Variants in KIAA0930 observed in about 807,000 individuals in gnomAD.
The protein encoded by KIAA0930 is uncharacterized protein KIAA0930.
A neutral mutation model predicts 43.9 loss-of-function variants in KIAA0930; 24 were observed. The observed-to-expected ratio is 0.55, with a 90% CI of 0.40 to 0.77. KIAA0930 has a LOEUF of 0.77. Among genes scored for constraint, KIAA0930 ranks in the 30% least tolerant of loss-of-function variants. KIAA0930 has a pLI of 0.00. For missense variants in KIAA0930, 461 were observed against 574.2 expected (o/e 0.80, Z 2.02); for synonymous variants, 259 against 216.4 (o/e 1.20, Z -1.73).
intron 1 of KIAA0930, chr22:45,226,691 C>G (rs896286112): frequency 2.9e-5 from 5 of 174,900 alleles, no homozygotes; most frequent in African/African-American, 1.2e-4. Context: ...CTGCTCTGCT[C>G]AGACACAGAA....
chr22:45,200,327 G>T (rs1176822138), intron 7 of KIAA0930: 6 of 363,348 alleles, frequency 1.7e-5, no homozygotes, highest in Non-Finnish European at 2.5e-5. Flanking sequence ...TCAAACAGTG[G>T]GTAGGGGGTG....
At chr22:45,211,534 C>T (rs889964819) in intron 2 of KIAA0930, 6 of 446,412 alleles carry the variant, frequency 1.3e-5, no homozygotes, top group African/African-American at 1.2e-4. Context: ...ATGGCGAGGG[C>T]TCAGTAAGTG....
At chr22:45,214,392 T>C (rs945870226) in intron 1 of KIAA0930, among the ~76,000 whole-genome samples, 5 of 152,098 alleles carry the variant, frequency 3.3e-5, no homozygotes. Context: ...CATGTCACAA[T>C]AAAAACAAAC....
chr22:45,205,656 T>A lies in KIAA0930; in HGVS notation c.388A>T (p.Ile130Phe), dbSNP rs774042605. ...AVCTRADGGD[I>F]HIHKKKSQQV... is the part of the protein sequence containing the mutation. ...TGAGATTTCTTCTTATGGATGTGAA[T>A]GTCCCCGCCGTCAGCACGTGTGCAC... The change falls in exon 4 of 10, where the codon ATT becomes TTT. Residue 130 changes from isoleucine (I) to phenylalanine (F), a missense_variant. By Grantham distance (21) the Ile-to-Phe change is conservative. Coordinates refer to ENST00000336156, the MANE Select transcript of KIAA0930 (RefSeq NM_001009880.2). 6.2e-7 allele frequency: 1 copy of A among 1,613,916 alleles called. No homozygotes were observed. Among genetic ancestry groups the A allele is most frequent in the Non-Finnish European group, 8.5e-7 (1 of 1,180,006 alleles).
chr22:45,237,429 C>T (rs2083894191), intron 1 of KIAA0930, among the ~76,000 whole-genome samples: 1 of 152,210 alleles, frequency 6.6e-6, no homozygotes, highest in African/African-American at 2.4e-5. Flanking sequence ...AGACAAGCCT[C>T]AAAAGCCAGA....
At chr22:45,236,847 C>T (rs755242184) in intron 1 of KIAA0930, among the ~76,000 whole-genome samples, 11 of 152,258 alleles carry the variant, frequency 7.2e-5, no homozygotes, top group East Asian at 1.9e-4. Flanking sequence ...TGCACCACTC[C>T]GGACACAGGG....
intron 8 of KIAA0930, 44 bp from the exon 9 acceptor site, chr22:45,197,992 G>C (rs200975542): frequency 6.2e-7 from 1 of 1,601,664 alleles, no homozygotes; most frequent in Non-Finnish European, 8.5e-7. Context: ...AGCATGGGAC[G>C]CGGCGGGAGC....
intron 8 of KIAA0930, chr22:45,198,155 G>A (rs774562882): frequency 1.7e-6 from 1 of 575,530 alleles, no homozygotes; most frequent in African/African-American, 1.9e-5. Context: ...CCCAGACCCA[G>A]GCCTCCAACT....
intron 7 of KIAA0930, chr22:45,202,750 G>A (rs1462242185): frequency 1.1e-4 from 48 of 456,980 alleles, no homozygotes; most frequent in Admixed American, 5.6e-4. Flanking sequence ...ACCTTGGCCA[G>A]GCACAGCCCT....
At chr22:45,205,348 G>T in intron 4 of KIAA0930, 30 bp from the exon 5 acceptor site, 1 of 1,585,422 alleles carries the variant, frequency 6.3e-7, no homozygotes, top group Admixed American at 1.7e-5. Context: ...GAGGACAAGT[G>T]AGGCCCCACC....
chr22:45,240,002 C>T (rs1453353715), intron 1 of KIAA0930, among the ~76,000 whole-genome samples: 3 of 152,110 alleles, frequency 2.0e-5, no homozygotes. Flanking sequence ...CCATCCCACG[C>T]CCCCCAGCAG....
rs202202597 is a variant in KIAA0930, at chr22:45,199,850, T to C, written c.1015+23A>G. On this transcript the variant is annotated intron_variant, in intron 8 of 9. Transcript: ENST00000336156. ...AAGAGACTGAAGGGCACGGGGACCC[T>C]AGGGCACGGAGTGGGGGGTCACCTC... The C allele has an allele frequency of 3.1e-5, 47 of 1,536,882 alleles. No homozygotes were observed. In the Admixed American group the frequency reaches 7.1e-4, roughly 23 times the overall value.
At chr22:45,210,940 G>T (rs936502943) in intron 2 of KIAA0930, among the ~76,000 whole-genome samples, 2 of 151,508 alleles carry the variant, frequency 1.3e-5, no homozygotes, top group African/African-American at 4.9e-5. Context: ...TCCCCTCTTG[G>T]GGTGCCCTCC....
At chr22:45,212,601 A>G in intron 1 of KIAA0930, 2 of 1,358,528 alleles carry the variant, frequency 1.5e-6, no homozygotes, top group Non-Finnish European at 1.9e-6. Flanking sequence ...CAGCCAGCCA[A>G]GGCTGCAAGC....
rs1228828579 is a variant in KIAA0930 at position 45,195,529 on chromosome 22, C to G, written c.*1647G>C. ...CTTTGGGGCATGACATGACCTGGCT[C>G]TGTGCTGCCCTAAGACATGGGTTTA... On this transcript the variant is annotated 3_prime_UTR_variant, in exon 10 of 10. Coordinates refer to ENST00000336156, the MANE Select transcript of KIAA0930 (RefSeq NM_001009880.2). 6.6e-6 allele frequency: 1 copy of G among 152,350 alleles called. No individual in the cohort carries two copies. The highest frequency in any genetic ancestry group is 1.5e-5 in the Non-Finnish European group (1 of 68,154). The allele number at this position is 152,350 out of a possible 1,614,324, so 9.4% of individuals were successfully genotyped here.
chr22:45,214,315 T>G (rs1601818215), intron 1 of KIAA0930, among the ~76,000 whole-genome samples: 1 of 152,184 alleles, frequency 6.6e-6, no homozygotes, highest in South Asian at 2.1e-4. Flanking sequence ...CCACAGAGAC[T>G]GGTACACAAA....
chr22:45,208,188 G>A (rs998345056), intron 2 of KIAA0930, among the ~76,000 whole-genome samples: 2 of 152,194 alleles, frequency 1.3e-5, no homozygotes. Context: ...GCATTACACA[G>A]CAGTGAGACC....
At chr22:45,208,670 A>C (rs2083663964) in intron 2 of KIAA0930, among the ~76,000 whole-genome samples, 1 of 152,196 alleles carries the variant, frequency 6.6e-6, no homozygotes, top group Non-Finnish European at 1.5e-5. Flanking sequence ...GGGGCTGGTG[A>C]AACCAGGTGT....
chr22:45,225,704 G>A (rs1179750776), intron 1 of KIAA0930, among the ~76,000 whole-genome samples: 1 of 152,162 alleles, frequency 6.6e-6, no homozygotes, highest in Admixed American at 6.5e-5. Context: ...CCCCCTCGGG[G>A]TGCCTTCCTT....
Sources: allele counts gnomAD v4.1 joint callset (sites outside exome capture counted in the v4.1 genomes callset), GRCh38; gene constraint gnomAD v4.1.1; transcripts MANE v1.5; gene names NCBI Gene and HGNC (gene_info 2026-07-23, HGNC 2026-07-21).